The following SHANK2 variants were observed in gnomAD, a reference collection of about 807,000 sequenced individuals.
The protein encoded by SHANK2 is SH3 and multiple ankyrin repeat domains protein 2.
Under a neutral mutation model 133.7 loss-of-function variants are expected in SHANK2, and 43 were observed. The ratio of observed to expected loss-of-function variants is 0.32; its 90% CI spans 0.25 to 0.41. The LOEUF is 0.41. Ranked by LOEUF, SHANK2 falls within the 10% of genes least tolerant of loss-of-function variation. The probability of loss-of-function intolerance (pLI) is 1.00; values close to 1 mark genes in which losing one functional copy is unlikely to be tolerated. For synonymous variants in SHANK2, 1,017 were observed against 952.8 expected (o/e 1.07, Z -1.24); for missense variants, 1,994 against 2,235.8 (o/e 0.89, Z 2.18).
chr11:71,087,830 T>C (rs1358999535), intron 8 of SHANK2, among the ~76,000 whole-genome samples: 4 of 152,170 alleles, frequency 2.6e-5, no homozygotes, highest in African/African-American at 9.7e-5. Context: ...GGTTTCACCA[T>C]GTTGGCCAGG....
At chr11:71,209,116 G>A (rs1315302493) in intron 2 of SHANK2, among the ~76,000 whole-genome samples, 1 of 152,128 alleles carries the variant, frequency 6.6e-6, no homozygotes, top group Non-Finnish European at 1.5e-5. Flanking sequence ...TCAGGCCCTG[G>A]CTCTGCTCAT....
chr11:70,557,485 A>G (rs1445854036), intron 17 of SHANK2, among the ~76,000 whole-genome samples: 1 of 152,076 alleles, frequency 6.6e-6, no homozygotes, highest in African/African-American at 2.4e-5. Flanking sequence ...GCCCAGATGG[A>G]GTTGGCAGTC....
At chr11:70,494,332 AG>A (rs1280463208) in intron 21 of SHANK2, among the ~76,000 whole-genome samples, 2 of 152,162 alleles carry the variant, frequency 1.3e-5, no homozygotes, top group African/African-American at 4.8e-5. Context: ...CTTTTCTTTA[AG>A]ATGGACTCTC....
chr11:71,118,974 C>T lies in SHANK2; in HGVS notation c.266G>A (p.Cys89Tyr), dbSNP rs530759559. The T allele has an allele frequency of 1.3e-6, 2 of 1,551,740 alleles. No individual in the cohort carries two copies. The highest frequency in any genetic ancestry group is 1.2e-5 in the South Asian group (1 of 84,066). The change falls in exon 4 of 26, where the codon TGT becomes TAT. Residue 89 changes from cysteine (C) to tyrosine (Y), a missense_variant. Physicochemically the swap from Cys to Tyr is radical, Grantham distance 194 (BLOSUM62 -2). Coordinates refer to ENST00000601538, the MANE Select transcript of SHANK2 (RefSeq NM_012309.5). ...ATCTTTCAAACTCTGGGTTAATGTACACAGGATCCGCTGCTTTGCAACCCA... is the reference window on the plus strand; with the variant it reads ...ATCTTTCAAACTCTGGGTTAATGTATACAGGATCCGCTGCTTTGCAACCCA... The part of the protein sequence containing the change: ...TVWVAKQRIL[C>Y]TLTQSLKDVL...
At chr11:71,113,156 C>T (rs1374642359) in intron 5 of SHANK2, 137 bp downstream of exon 5, 7 of 797,276 alleles carry the variant, frequency 8.8e-6, no homozygotes, top group Admixed American at 4.7e-5. Flanking sequence ...TCTGCCTGTA[C>T]ATCCCAGCCC....
At chr11:70,792,411 C>T (rs1423123931) in intron 14 of SHANK2, among the ~76,000 whole-genome samples, 1 of 151,338 alleles carries the variant, frequency 6.6e-6, no homozygotes, top group African/African-American at 2.4e-5. Context: ...AACCAACCAA[C>T]CAACCAACCA....
chr11:70,835,828 T>C lies in SHANK2; in HGVS notation c.1175-15146A>G, dbSNP rs533486002. ...CCAGCCTCATTCTGCTGAGGTCTCA[T>C]GAGGTCTCTGAGAATCCTACAGGCT... On this transcript the variant is annotated intron_variant, in intron 11 of 25. Transcript: ENST00000601538. 4.6e-5 allele frequency among the ~76,000 whole-genome samples: 7 copies of C among 152,168 alleles called. No homozygotes were observed. The South Asian group carries it at 1.5e-3, about 32-fold the overall frequency.
At chr11:70,827,636 G>T (rs61885480) in intron 11 of SHANK2, among the ~76,000 whole-genome samples, 1 of 134,782 alleles carries the variant, frequency 7.4e-6, no homozygotes. Context: ...GTGTGTGTGT[G>T]TGTTTTTTTT....
At chr11:70,564,987 TTTTAA>T (rs1354640422) in intron 17 of SHANK2, among the ~76,000 whole-genome samples, 7 of 152,244 alleles carry the variant, frequency 4.6e-5, no homozygotes, top group African/African-American at 1.7e-4. Context: ...TTAATGATTC[TTTTAA>T]TATCCTTGTC....
intron 2 of SHANK2, among the ~76,000 whole-genome samples, chr11:71,158,703 A>G (rs12282822): frequency 0.28 from 43,268 of 152,128 alleles, 7,071 homozygotes; most frequent in African/African-American, 0.43. Flanking sequence ...ACCAGATGCC[A>G]AGGCTTACCA....
In SHANK2 at chr11:70,676,512, G is replaced by A. The variant is rs1277590550; in HGVS notation, c.1854-14834C>T. Among the ~76,000 whole-genome samples the A allele has an allele frequency of 6.6e-5, 10 of 152,352 alleles. 1 individual carries two copies. The highest frequency in any genetic ancestry group is 5.9e-4 in the Admixed American group (9 of 15,306). On this transcript the variant is annotated intron_variant, in intron 15 of 25. Transcript: ENST00000601538. ...GCCACCATGAGGGAGAGGCCAAGAGGCCTTCAGAGATGTCACTGCCCGTGC... is the reference window on the plus strand; with the variant it reads ...GCCACCATGAGGGAGAGGCCAAGAGACCTTCAGAGATGTCACTGCCCGTGC...
At chr11:71,143,928 A>G (rs1479630292) in intron 3 of SHANK2, among the ~76,000 whole-genome samples, 1 of 152,134 alleles carries the variant, frequency 6.6e-6, no homozygotes, top group Non-Finnish European at 1.5e-5. Flanking sequence ...GATAACGAGC[A>G]TCGACCATCC....
chr11:70,905,865 G>A (rs1463962393), intron 10 of SHANK2, among the ~76,000 whole-genome samples: 1 of 148,438 alleles, frequency 6.7e-6, no homozygotes, highest in Non-Finnish European at 1.5e-5. Flanking sequence ...AGGCTTGAGT[G>A]CAGTGGCACG....
At chr11:71,098,086 G>A (rs1287720195) in intron 6 of SHANK2, among the ~76,000 whole-genome samples, 1 of 149,176 alleles carries the variant, frequency 6.7e-6, no homozygotes, top group Non-Finnish European at 1.5e-5. Flanking sequence ...ATGCATGCCT[G>A]TTGTGTATGC....
intron 17 of SHANK2, chr11:70,654,386 A>G (rs782135990): frequency 2.6e-5 from 4 of 152,250 alleles, no homozygotes; most frequent in Non-Finnish European, 5.9e-5. Flanking sequence ...TATGAAATGG[A>G]TACTTTTCAA....
chr11:70,534,266 G>A (rs972876948), intron 17 of SHANK2, among the ~76,000 whole-genome samples: 2 of 152,192 alleles, frequency 1.3e-5, no homozygotes, highest in Non-Finnish European at 2.9e-5. Context: ...ATGGCGGCAG[G>A]AGAGAGAAAT....
At chr11:70,564,034 G>C (rs897881874) in intron 17 of SHANK2, among the ~76,000 whole-genome samples, 2 of 152,012 alleles carry the variant, frequency 1.3e-5, no homozygotes, top group Admixed American at 1.3e-4. Flanking sequence ...TCGTCTTCAT[G>C]TGTCACGTGT....
intron 17 of SHANK2, among the ~76,000 whole-genome samples, chr11:70,572,997 C>A (rs988549345): frequency 6.6e-6 from 1 of 152,274 alleles, no homozygotes. Context: ...CAACCAAACG[C>A]CCATCGATCG....
intron 17 of SHANK2, among the ~76,000 whole-genome samples, chr11:70,542,027 C>T (rs973614977): frequency 1.4e-4 from 21 of 152,196 alleles, no homozygotes; most frequent in African/African-American, 3.1e-4. Context: ...CCTCTGTGCA[C>T]GGGCCACTGA....
Sources: gnomAD v4.1 joint callset for allele counts (sites outside exome capture counted in the v4.1 genomes callset) on GRCh38, gnomAD v4.1.1 for gene constraint, MANE v1.5 for transcripts, NCBI Gene and HGNC (gene_info 2026-07-23, HGNC 2026-07-21) for gene names.